RASA1: variants seen among roughly 807,000 people sequenced by gnomAD.
RASA1 encodes the protein ras GTPase-activating protein 1.
RASA1 carries 25 observed loss-of-function variants against 132.2 expected under a neutral mutation model. The observed-to-expected ratio is 0.19, with a 90% CI of 0.14 to 0.26. The LOEUF is 0.26. Among genes scored for constraint, RASA1 ranks in the 10% least tolerant of loss-of-function variants. The pLI, the probability that RASA1 is intolerant of heterozygous loss-of-function variation, is 1.00. For synonymous variants in RASA1, 477 were observed against 449.9 expected, an observed-to-expected ratio of 1.06 and a Z score of -0.76; for missense variants, 964 against 1,299.2, an observed-to-expected ratio of 0.74 and a Z score of 3.97.
chr5:87,276,811 G>A (rs1754079743), intron 1 of RASA1, among the ~76,000 whole-genome samples: 1 of 152,154 alleles, frequency 6.6e-6, no homozygotes, highest in African/African-American at 2.4e-5. Flanking sequence ...AAGTTGTTAT[G>A]TGTAACATAG....
chr5:87,352,633 A>G (rs1204696078), intron 8 of RASA1, among the ~76,000 whole-genome samples: 2 of 151,754 alleles, frequency 1.3e-5, no homozygotes, highest in African/African-American at 2.4e-5. Flanking sequence ...TATAGTGATA[A>G]TCCTACATGT....
At chr5:87,387,243 T>G (rs1294957009) in intron 23 of RASA1, among the ~76,000 whole-genome samples, 1 of 152,118 alleles carries the variant, frequency 6.6e-6, no homozygotes, top group African/African-American at 2.4e-5. Flanking sequence ...TTTACTTTGC[T>G]GCTACTATGT....
At chr5:87,388,744 A>G (rs932008489) in intron 23 of RASA1, among the ~76,000 whole-genome samples, 3 of 152,208 alleles carry the variant, frequency 2.0e-5, no homozygotes, top group Admixed American at 6.5e-5. Context: ...GCATTTTCAT[A>G]GTGCAGTTCC....
chr5:87,305,639 T>A (rs1210436940), intron 1 of RASA1, among the ~76,000 whole-genome samples: 1 of 152,132 alleles, frequency 6.6e-6, no homozygotes, highest in Non-Finnish European at 1.5e-5. Context: ...GCAAATGGGA[T>A]CCAGTTAAAT....
At chr5:87,317,928 G>A (rs995548809) in intron 1 of RASA1, among the ~76,000 whole-genome samples, 7 of 151,914 alleles carry the variant, frequency 4.6e-5, no homozygotes, top group East Asian at 1.9e-4. Flanking sequence ...GAGCCACCGC[G>A]CCCAGCCGTT....
intron 24 of RASA1, among the ~76,000 whole-genome samples, chr5:87,390,094 A>G (rs1358057693): frequency 1.3e-5 from 2 of 152,232 alleles, no homozygotes; most frequent in Admixed American, 6.5e-5. Flanking sequence ...TCTATCTGCC[A>G]TCTGCACCAA....
intron 1 of RASA1, among the ~76,000 whole-genome samples, chr5:87,330,650 G>A (rs1301918661): frequency 6.6e-6 from 1 of 152,178 alleles, no homozygotes; most frequent in African/African-American, 2.4e-5. Flanking sequence ...AGTTTCTTAA[G>A]TAGATCATTT....
chr5:87,280,075 C>T lies in RASA1; in HGVS notation c.539+11085C>T, dbSNP rs528716335. Among the ~76,000 whole-genome samples the T allele has an allele frequency of 3.9e-5, 6 of 152,336 alleles. No individual in the cohort carries two copies. The East Asian group carries it at 5.8e-4, about 15-fold the overall frequency. On this transcript the variant is annotated intron_variant, in intron 1 of 24. Coordinates refer to ENST00000274376, the MANE Select transcript of RASA1 (RefSeq NM_002890.3). ...CTAGAAGGGGATGGGGAACTCAGCA[C>T]GCTGGCTCTGTTTCTCTTACTGCCT...
intron 22 of RASA1, among the ~76,000 whole-genome samples, chr5:87,386,561 AC>A (rs1226046599): frequency 7.2e-5 from 11 of 152,164 alleles, no homozygotes; most frequent in African/African-American, 2.6e-4. Context: ...CATTAAAAAT[AC>A]CCATACTCCT....
intron 1 of RASA1, among the ~76,000 whole-genome samples, chr5:87,287,225 A>G (rs1377442830): frequency 6.8e-6 from 1 of 148,026 alleles, no homozygotes; most frequent in Non-Finnish European, 1.5e-5. Context: ...CACACCGTAT[A>G]TATACACACC....
chr5:87,309,797 TACTTTA>T (rs751866852), intron 1 of RASA1, among the ~76,000 whole-genome samples: 44 of 152,110 alleles, frequency 2.9e-4, no homozygotes, highest in South Asian at 6.2e-4. Context: ...ATTAAAAAAA[TACTTTA>T]ACTTGTTTAA....
At chr5:87,300,568 G>C (rs1219886437) in intron 1 of RASA1, among the ~76,000 whole-genome samples, 1 of 152,146 alleles carries the variant, frequency 6.6e-6, no homozygotes, top group African/African-American at 2.4e-5. Context: ...AGTTTATCCT[G>C]CTTACTAATG....
At chr5:87,367,275 C>G (rs1760596144) in intron 11 of RASA1, among the ~76,000 whole-genome samples, 1 of 152,022 alleles carries the variant, frequency 6.6e-6, no homozygotes, top group Non-Finnish European at 1.5e-5. Flanking sequence ...GATGCAAATA[C>G]CAGAGGACAA....
At chr5:87,324,654 T>TGC (rs1410082533) in intron 1 of RASA1, among the ~76,000 whole-genome samples, 2 of 152,210 alleles carry the variant, frequency 1.3e-5, no homozygotes, top group Non-Finnish European at 2.9e-5. Context: ...TGCACGCATG[T>TGC]GCACACACAC....
intron 9 of RASA1, among the ~76,000 whole-genome samples, chr5:87,355,858 C>A (rs1269398959): frequency 6.6e-6 from 1 of 152,110 alleles, no homozygotes; most frequent in Non-Finnish European, 1.5e-5. Flanking sequence ...CTTTGAGGGG[C>A]TCAAGACTAC....
intron 5 of RASA1, among the ~76,000 whole-genome samples, 184 bp from the exon 6 acceptor site, chr5:87,341,106 A>G (rs538238842): frequency 6.6e-6 from 1 of 152,090 alleles, no homozygotes; most frequent in South Asian, 2.1e-4. Flanking sequence ...AGTTAGGGTA[A>G]TGGCAACAAG....
chr5:87,282,606 A>T (rs1349902000), intron 1 of RASA1, among the ~76,000 whole-genome samples: 1 of 152,146 alleles, frequency 6.6e-6, no homozygotes, highest in Non-Finnish European at 1.5e-5. Context: ...CCAAATACGG[A>T]TGTTTTCAGC....
intron 23 of RASA1, among the ~76,000 whole-genome samples, chr5:87,389,132 AATCTTTT>A (rs1762279833): frequency 6.6e-6 from 1 of 152,178 alleles, no homozygotes. Context: ...ACCCAATTAG[AATCTTTT>A]CACATGAGAC....
chr5:87,367,742 A>G (rs980841242), intron 11 of RASA1, among the ~76,000 whole-genome samples: 1 of 152,160 alleles, frequency 6.6e-6, no homozygotes, highest in Non-Finnish European at 1.5e-5. Flanking sequence ...ACATTTATTT[A>G]TGAAAATGTT....
Sources: allele counts gnomAD v4.1 joint callset (sites outside exome capture counted in the v4.1 genomes callset), GRCh38; gene constraint gnomAD v4.1.1; transcripts MANE v1.5; gene names NCBI Gene and HGNC (gene_info 2026-07-23, HGNC 2026-07-21).